Variants in GPR158 observed in about 807,000 individuals in gnomAD.
GPR158 encodes the protein G protein-coupled receptor 158, also known as metabotropic glycine receptor.
In GPR158, 30 loss-of-function variants were observed where a neutral mutation model predicts 78.2. The ratio of observed to expected loss-of-function variants is 0.38; its 90% CI spans 0.29 to 0.52. The LOEUF (loss-of-function observed/expected upper bound fraction) is 0.52. Ranked by LOEUF, GPR158 falls within the 20% of genes least tolerant of loss-of-function variation. The pLI, the probability that GPR158 is intolerant of heterozygous loss-of-function variation, is 0.83. For synonymous variants in GPR158, 581 were observed against 591.1 expected, an observed-to-expected ratio of 0.98 and a Z score of 0.25; for missense variants, 1,463 against 1,523.5, an observed-to-expected ratio of 0.96 and a Z score of 0.66.
chr10:25,259,919 G>C (rs769835993), intron 2 of GPR158, among the ~76,000 whole-genome samples: 1 of 151,624 alleles, frequency 6.6e-6, no homozygotes, highest in Non-Finnish European at 1.5e-5. Context: ...AATTTTATAT[G>C]CTGCTTATGG....
At chr10:25,365,476 T>C (rs1855707976) in intron 2 of GPR158, among the ~76,000 whole-genome samples, 1 of 151,758 alleles carries the variant, frequency 6.6e-6, no homozygotes, top group Non-Finnish European at 1.5e-5. Flanking sequence ...ATTCGGATTC[T>C]CAATACTTGA....
At chr10:25,303,063 T>C (rs1372022642) in intron 2 of GPR158, among the ~76,000 whole-genome samples, 1 of 152,192 alleles carries the variant, frequency 6.6e-6, no homozygotes, top group Non-Finnish European at 1.5e-5. Context: ...AAATTAGATA[T>C]GAAGACAGTT....
chr10:25,255,226 G>A (rs1853874993), intron 2 of GPR158, among the ~76,000 whole-genome samples: 1 of 152,184 alleles, frequency 6.6e-6, no homozygotes, highest in Non-Finnish European at 1.5e-5. Flanking sequence ...TATTCTGTTA[G>A]GTTCCCTTAC....
chr10:25,252,899 G>A (rs1364785557), intron 2 of GPR158, among the ~76,000 whole-genome samples: 13 of 152,012 alleles, frequency 8.6e-5, no homozygotes, highest in Non-Finnish European at 4.4e-5. Context: ...AATGGCGGGC[G>A]CCCCTCCCCC....
intron 2 of GPR158, among the ~76,000 whole-genome samples, chr10:25,292,427 T>C (rs900147456): frequency 1.3e-5 from 2 of 152,150 alleles, no homozygotes; most frequent in African/African-American, 4.8e-5. Flanking sequence ...CTTTTTTTTC[T>C]TTCCTTTTTG....
At chr10:25,422,052 G>A (rs67756988) in intron 4 of GPR158, among the ~76,000 whole-genome samples, 5,982 of 152,186 alleles carry the variant, frequency 0.039, 124 homozygotes, top group African/African-American at 0.048. Context: ...TCCTCAAGTC[G>A]TTTGTTCAGT....
chr10:25,292,461 C>T (rs1344058967), intron 2 of GPR158, among the ~76,000 whole-genome samples: 1 of 151,942 alleles, frequency 6.6e-6, no homozygotes, highest in Non-Finnish European at 1.5e-5. Context: ...GATGAGTAGA[C>T]AATTCAAAGC....
chr10:25,374,916 C>T (rs1024462734), intron 2 of GPR158, among the ~76,000 whole-genome samples: 1 of 151,622 alleles, frequency 6.6e-6, no homozygotes, highest in African/African-American at 2.4e-5. Context: ...CCTAAGAATG[C>T]AATTGTTATG....
At chr10:25,261,879 G>A (rs926508101) in intron 2 of GPR158, among the ~76,000 whole-genome samples, 8 of 152,046 alleles carry the variant, frequency 5.3e-5, no homozygotes, top group African/African-American at 1.9e-4. Flanking sequence ...CTTTGTTTGA[G>A]GTCACAGTAT....
intron 4 of GPR158, among the ~76,000 whole-genome samples, chr10:25,422,628 CAA>C (rs10634150): frequency 7.0e-6 from 1 of 143,204 alleles, no homozygotes. Context: ...ATTGTATTTG[CAA>C]AAAAAAAAAA....
At chr10:25,245,119 T>C (rs1419564399) in intron 2 of GPR158, among the ~76,000 whole-genome samples, 1 of 152,240 alleles carries the variant, frequency 6.6e-6, no homozygotes, top group East Asian at 1.9e-4. Context: ...CCATTGCTCC[T>C]AGAGAATATT....
chr10:25,475,050 ATAGAAG>A (rs1564465717), intron 5 of GPR158, among the ~76,000 whole-genome samples: 1 of 152,210 alleles, frequency 6.6e-6, no homozygotes, highest in Non-Finnish European at 1.5e-5. Context: ...AGCTTCTGAA[ATAGAAG>A]TACTCTAGAA....
chr10:25,389,513 G>C (rs901592272), intron 2 of GPR158, among the ~76,000 whole-genome samples: 8 of 152,202 alleles, frequency 5.3e-5, no homozygotes, highest in African/African-American at 1.9e-4. Flanking sequence ...TCTCCTCTGA[G>C]CTGTTCTATT....
chr10:25,213,393 A>C (rs1177999868), intron 1 of GPR158, among the ~76,000 whole-genome samples: 1 of 152,162 alleles, frequency 6.6e-6, no homozygotes, highest in African/African-American at 2.4e-5. Context: ...TGATTAAAAT[A>C]ATTTTTTCTC....
chr10:25,444,911 G>A (rs1331096336), intron 4 of GPR158, among the ~76,000 whole-genome samples: 1 of 152,042 alleles, frequency 6.6e-6, no homozygotes, highest in Non-Finnish European at 1.5e-5. Context: ...TCTTAAGGAG[G>A]GGACTCAACT....
At chr10:25,405,353 T>A (rs1027159453) in intron 3 of GPR158, among the ~76,000 whole-genome samples, 2 of 152,010 alleles carry the variant, frequency 1.3e-5, no homozygotes, top group African/African-American at 4.8e-5. Context: ...GATACTTTTT[T>A]TTAACTGTAG....
intron 2 of GPR158, among the ~76,000 whole-genome samples, chr10:25,370,238 T>C (rs1424320142): frequency 1.4e-5 from 2 of 145,870 alleles, no homozygotes; most frequent in Non-Finnish European, 3.0e-5. Flanking sequence ...CTTGCTTTTC[T>C]AGTTCTTTTA....
intron 5 of GPR158, among the ~76,000 whole-genome samples, chr10:25,547,715 C>G (rs552223729): frequency 1.3e-5 from 2 of 152,292 alleles, no homozygotes; most frequent in South Asian, 4.1e-4. Context: ...TGGAACCAAA[C>G]TTCCTGGATT....
intron 5 of GPR158, among the ~76,000 whole-genome samples, chr10:25,530,855 C>G (rs1309082227): frequency 2.0e-5 from 3 of 152,198 alleles, no homozygotes; most frequent in African/African-American, 7.2e-5. Flanking sequence ...TGTCAGCTCT[C>G]TGGTCTGCTG....
Sources: allele counts gnomAD v4.1 joint callset (sites outside exome capture counted in the v4.1 genomes callset), GRCh38; gene constraint gnomAD v4.1.1; transcripts MANE v1.5; gene names NCBI Gene and HGNC (gene_info 2026-07-23, HGNC 2026-07-21).